RPS6KA2: variants seen among roughly 807,000 people sequenced by gnomAD.
RPS6KA2 encodes the protein ribosomal protein S6 kinase A2.
RPS6KA2 carries 42 observed loss-of-function variants against 91.8 expected under a neutral mutation model. That is an observed-to-expected ratio of 0.46 (90% CI 0.36 to 0.59). The LOEUF is 0.59. RPS6KA2 is among the 20% of genes least tolerant of loss of function. RPS6KA2 has a pLI of 0.00. For missense variants in RPS6KA2, 798 were observed against 978.5 expected (o/e 0.82, Z 2.46); for synonymous variants, 414 against 393.6 (o/e 1.05, Z -0.61).
At position 166,701,394 on chromosome 6, in the gene RPS6KA2, C is replaced by G. The variant is rs188604316; in HGVS notation, c.123+156806G>C. 4.3e-5 allele frequency: 57 copies of G among 1,329,506 alleles called. No homozygotes were observed. In the African/African-American group the frequency reaches 7.6e-4, roughly 18 times the overall value. The allele number at this position is 1,329,506 out of a possible 1,614,324, so 82.4% of individuals were successfully genotyped here. A position where few individuals can be genotyped will look rare whatever the true frequency, so the allele number is the denominator to read the frequency against. On this transcript the variant is annotated intron_variant, in intron 2 of 21. Transcript: ENST00000503859. ...AGTTTCACCTCTTCTTTAGGACTAA[C>G]GAAGTTTTCTTCTTTCATTTTTCCA...
chr6:166,590,761 T>TA (rs903661297), intron 1 of RPS6KA2, among the ~76,000 whole-genome samples: 13 of 148,868 alleles, frequency 8.7e-5, no homozygotes, highest in South Asian at 2.1e-4. Context: ...TTTAAAAAAT[T>TA]AAAAAAAAAA....
At chr6:166,810,853 G>A (rs1334088085) in intron 2 of RPS6KA2, among the ~76,000 whole-genome samples, 2 of 152,098 alleles carry the variant, frequency 1.3e-5, no homozygotes, top group Non-Finnish European at 2.9e-5. Context: ...ACATAACAAG[G>A]ACCAAATGCA....
At chr6:166,701,110 T>C in intron 2 of RPS6KA2, 2 of 1,610,902 alleles carry the variant, frequency 1.2e-6, no homozygotes, top group African/African-American at 1.3e-5. Context: ...CCGTCTTGAC[T>C]GAGGTGGTCC....
intron 1 of RPS6KA2, among the ~76,000 whole-genome samples, chr6:166,594,362 A>G (rs938535014): frequency 6.6e-6 from 1 of 152,270 alleles, no homozygotes; most frequent in Non-Finnish European, 1.5e-5. Flanking sequence ...CATAATTTTC[A>G]CAATAAAATG....
chr6:166,699,377 G>T (rs1352865320), intron 2 of RPS6KA2, among the ~76,000 whole-genome samples: 4 of 151,732 alleles, frequency 2.6e-5, no homozygotes, highest in African/African-American at 9.7e-5. Flanking sequence ...GCATTTTTTT[G>T]GATAAAACTA....
rs1779382035 is a variant in RPS6KA2 at position 166,437,785 on chromosome 6, A to C, written c.1333-5295T>G. 6.6e-6 allele frequency among the ~76,000 whole-genome samples: 1 copy of C among 152,140 alleles called. No homozygotes were observed. Among genetic ancestry groups the C allele is most frequent in the South Asian group, 2.1e-4 (1 of 4,832 alleles). Reference sequence around the variant, plus strand: ...GCCATTCCTGCTGGCCGAAGGCGACAACAGGAGACTTCGCTGCTCTTGATA... The same window carrying C: ...GCCATTCCTGCTGGCCGAAGGCGACCACAGGAGACTTCGCTGCTCTTGATA... On this transcript the variant is annotated intron_variant, in intron 14 of 20. Transcript: ENST00000265678. This position sits in a 1 kb window ranked among gnomAD's most constrained non-coding sequence, Gnocchi z 4.3.
At chr6:166,691,124 C>T (rs1232447844) in intron 2 of RPS6KA2, among the ~76,000 whole-genome samples, 1 of 152,142 alleles carries the variant, frequency 6.6e-6, no homozygotes, top group Non-Finnish European at 1.5e-5. Flanking sequence ...GGGAGACCTG[C>T]GCTCTGTCAT....
At chr6:166,420,006 C>A in intron 17 of RPS6KA2, 48 bp from the exon 18 acceptor site, 1 of 1,547,156 alleles carries the variant, frequency 6.5e-7, no homozygotes, top group South Asian at 1.1e-5. Context: ...TAAGGACATT[C>A]AGATTGACAG....
chr6:166,834,441 C>A (rs927108662), intron 2 of RPS6KA2, among the ~76,000 whole-genome samples: 8 of 152,040 alleles, frequency 5.3e-5, no homozygotes, highest in African/African-American at 9.7e-5. Context: ...AAAGAAGGAA[C>A]AACAGACGTT....
chr6:166,855,423 A>G lies in RPS6KA2; in HGVS notation c.123+2777T>C, dbSNP rs28667849. Among the ~76,000 whole-genome samples the G allele has an allele frequency of 3.2e-4, 36 of 113,498 alleles. 1 individual carries two copies. In the East Asian group the frequency reaches 0.011, roughly 35 times the overall value. The allele number at this position is 113,498 out of a possible 152,430, so 74.5% of individuals were successfully genotyped here. ...AGGAGGAGGAAGAGGAGGAGGAAGA[A>G]GAAGAGGAAGAAGAGGAAGAAGAAG... is the stretch of plus-strand genomic sequence containing the variant. On this transcript the variant is annotated intron_variant, in intron 2 of 21. Coordinates refer to the RPS6KA2 transcript ENST00000503859.
At chr6:166,672,334 CG>C (rs1308187319) in intron 2 of RPS6KA2, among the ~76,000 whole-genome samples, 1 of 152,070 alleles carries the variant, frequency 6.6e-6, no homozygotes, top group Non-Finnish European at 1.5e-5. Context: ...GAAGGAAAGC[CG>C]GCAGATACTA....
At chr6:166,425,643 G>T (rs1367932330) in intron 16 of RPS6KA2, among the ~76,000 whole-genome samples, 3 of 151,966 alleles carry the variant, frequency 2.0e-5, no homozygotes, top group Non-Finnish European at 1.5e-5. Context: ...AAAGGCAGGG[G>T]TTGCAATCCT....
rs1284481999 is a variant in RPS6KA2, at chr6:166,612,908, C to A, written c.99+14013G>T. On this transcript the variant is annotated intron_variant, in intron 1 of 20. Coordinates refer to ENST00000265678, the MANE Select transcript of RPS6KA2 (RefSeq NM_021135.6). This position sits in a 1 kb window ranked among gnomAD's most constrained non-coding sequence, Gnocchi z 4.3. ...CTCTTCCCCTTCTCTTGTCTTTCTT[C>A]TTCCTGCCTCTTCTCTCCCCTCTCC... 6.6e-6 allele frequency among the ~76,000 whole-genome samples: 1 copy of A among 152,172 alleles called. No individual in the cohort carries two copies. The highest frequency in any genetic ancestry group is 1.5e-5 in the Non-Finnish European group (1 of 68,022).
intron 2 of RPS6KA2, among the ~76,000 whole-genome samples, chr6:166,706,768 GT>G (rs988983570): frequency 1.8e-4 from 27 of 152,314 alleles, no homozygotes; most frequent in African/African-American, 6.5e-4. Context: ...CGCACAGCCT[GT>G]TACTGTGTAT....
At chr6:166,611,637 T>A (rs940199220) in intron 1 of RPS6KA2, among the ~76,000 whole-genome samples, 2 of 152,218 alleles carry the variant, frequency 1.3e-5, no homozygotes, top group Non-Finnish European at 2.9e-5. Context: ...ATAACTGAAA[T>A]ATCTCAAGGT....
intron 2 of RPS6KA2, among the ~76,000 whole-genome samples, chr6:166,760,777 C>T (rs1232107356): frequency 2.0e-5 from 3 of 152,144 alleles, no homozygotes; most frequent in Non-Finnish European, 2.9e-5. Context: ...ACAAAGGGTC[C>T]GAATAATCCT....
In RPS6KA2 at chr6:166,448,918, C is replaced by A. The variant is rs1175723999; in HGVS notation, c.1207-69G>T. 5 of 1,582,860 alleles carry A rather than the reference C, an allele frequency of 3.2e-6. No individual in the cohort carries two copies. In the East Asian group the frequency reaches 9.0e-5, roughly 29 times the overall value. On this transcript the variant is annotated intron_variant, in intron 13 of 20. Coordinates refer to ENST00000265678, the MANE Select transcript of RPS6KA2 (RefSeq NM_021135.6). The surrounding 1 kb of genome is among the most constrained non-coding windows in gnomAD (Gnocchi z 4.7). The stretch of plus-strand genomic sequence containing the variant: ...CGAGGGGACGGTGCAGCTACACGCA[C>A]ACAGAATGTGGGGCGAAGAGAGGCA...
rs751752361 is a variant in RPS6KA2, at chr6:166,451,151, C to T, written c.1158G>A (p.Glu386=). Residue 386 remains glutamate (E), a synonymous_variant, in exon 13 of 21, where the codon GAG becomes GAA. Transcript: ENST00000265678. ...FSFVASSLIQ[E]PSQQDLHKVP... is the part of the protein sequence containing the mutation. ...CTTTGTGCAGATCTTGCTGTGAGGG[C>T]TCCTGGATCAGGCTTGAGGCCACAA... 4 of 1,614,054 alleles carry T rather than the reference C, an allele frequency of 2.5e-6. No individual in the cohort carries two copies. The highest frequency in any genetic ancestry group is 3.4e-6 in the Non-Finnish European group (4 of 1,180,000).
chr6:166,749,784 T>TC (rs1562417886), intron 2 of RPS6KA2, among the ~76,000 whole-genome samples: 1 of 104,228 alleles, frequency 9.6e-6, no homozygotes, highest in Non-Finnish European at 2.1e-5. Context: ...TTTCCTCAGG[T>TC]CCCCATCTCC....
Sources: gnomAD v4.1 joint callset for allele counts (sites outside exome capture counted in the v4.1 genomes callset) on GRCh38, gnomAD v4.1.1 for gene constraint, Gnocchi (gnomAD v3.1) non-coding constraint, MANE v1.5 for transcripts, NCBI Gene and HGNC (gene_info 2026-07-23, HGNC 2026-07-21) for gene names.